Variants in BICRAL observed in about 807,000 individuals in gnomAD.
BICRAL encodes the protein BICRA like chromatin remodeling complex associated protein, also known as BRD4-interacting chromatin-remodeling complex-associated protein-like.
BICRAL carries 8 observed loss-of-function variants against 91.8 expected under a neutral mutation model. The ratio of observed to expected loss-of-function variants is 0.09; its 90% CI spans 0.05 to 0.16. BICRAL has a LOEUF of 0.16. Among genes scored for constraint, BICRAL ranks in the 10% least tolerant of loss-of-function variants. The probability of loss-of-function intolerance (pLI) is 1.00; values close to 1 mark genes in which losing one functional copy is unlikely to be tolerated. For missense variants in BICRAL, 1,038 were observed against 1,310.9 expected (o/e 0.79, Z 3.21); for synonymous variants, 445 against 491.1 (o/e 0.91, Z 1.24).
At chr6:42,855,108 C>T (rs1378439299) in intron 8 of BICRAL, among the ~76,000 whole-genome samples, 1 of 152,104 alleles carries the variant, frequency 6.6e-6, no homozygotes, top group Non-Finnish European at 1.5e-5. Context: ...GTTTCCTTAA[C>T]ATGATGTAAA....
rs779052868 is a variant in BICRAL, at chr6:42,828,623, T to G, written c.290T>G (p.Leu97Arg). The change falls in exon 6 of 13, where the codon CTC (leucine) becomes CGC (arginine). Residue 97 changes from leucine to arginine, a missense_variant. Physicochemically the swap from Leu to Arg is moderately radical, Grantham distance 102 (BLOSUM62 -2). This residue lies in a region of BICRAL where 115 missense variants were observed against 121.5 expected (regional missense o/e 0.95). Transcript: ENST00000314073. ...CTCGAGTCTTCTCCTCTTCCTGATC[T>G]CACTGAGGACCAACCTTTCGACATT... ...DELESSPLPD[L>R]TEDQPFDILQ... 10 of 1,614,098 alleles carry G rather than the reference T, an allele frequency of 6.2e-6. No homozygotes were observed. In the East Asian group the frequency reaches 2.2e-4, roughly 36 times the overall value.
intron 1 of BICRAL, among the ~76,000 whole-genome samples, chr6:42,807,287 C>G (rs1763736318): frequency 6.6e-6 from 1 of 150,986 alleles, no homozygotes; most frequent in African/African-American, 2.4e-5. Context: ...GGGTTCATGC[C>G]ATTCTCCTGC....
chr6:42,847,320 A>G (rs1038997669), intron 6 of BICRAL, among the ~76,000 whole-genome samples: 1 of 152,194 alleles, frequency 6.6e-6, no homozygotes, highest in African/African-American at 2.4e-5. Context: ...TAGATTTTTT[A>G]TAGATGTTTA....
chr6:42,826,302 T>C (rs1003591562), intron 5 of BICRAL, among the ~76,000 whole-genome samples: 1 of 147,846 alleles, frequency 6.8e-6, no homozygotes, highest in Admixed American at 6.9e-5. Context: ...TGGTGCAATC[T>C]CGGCTCACTG....
chr6:42,751,268 C>T (rs927851741), intron 1 of BICRAL, among the ~76,000 whole-genome samples: 1 of 151,940 alleles, frequency 6.6e-6, no homozygotes, highest in African/African-American at 2.4e-5. Flanking sequence ...GGACCCGTGT[C>T]CTGGGTGGAG....
Position 42,829,642 on chromosome 6 carries a change from G to A in BICRAL, c.1309G>A (p.Val437Met), listed in dbSNP as rs1764415539. The A allele has an allele frequency of 6.2e-7, 1 of 1,614,232 alleles. No homozygotes were observed. Among genetic ancestry groups the A allele is most frequent in the Non-Finnish European group, 8.5e-7 (1 of 1,180,040 alleles). The change falls in exon 6 of 13, where the codon GTG becomes ATG. Residue 437 changes from valine (V) to methionine (M), a missense_variant. By Grantham distance (21) the Val-to-Met change is conservative. Transcript: ENST00000314073. ...ACCCTCTCAGCTCATTTCTGGCCAA[G>A]TGGCCTCAGAGCATGTCATGTTGAA... The part of the protein sequence containing the change: ...TQPSQLISGQ[V>M]ASEHVMLNRN...
intron 1 of BICRAL, among the ~76,000 whole-genome samples, chr6:42,767,609 A>G (rs1471960234): frequency 6.6e-6 from 1 of 152,248 alleles, no homozygotes; most frequent in Admixed American, 6.5e-5. Flanking sequence ...TGTTAGCTTA[A>G]CATATTGATG....
In BICRAL at chr6:42,865,486, C is replaced by A; in HGVS notation, c.*40C>A. On this transcript the variant is annotated 3_prime_UTR_variant, in exon 13 of 13. Transcript: ENST00000314073. The stretch of plus-strand genomic sequence containing the variant: ...CCCCTACCCCGCCCCGAGACCCCAC[C>A]CCGAGACCCCACCCCGGACCAGTTA... The A allele has an allele frequency of 8.7e-7, 1 of 1,151,620 alleles. No individual in the cohort carries two copies. The highest frequency in any genetic ancestry group is 1.3e-6 in the Non-Finnish European group (1 of 785,410). 71.3% of individuals were successfully genotyped at this position (1,151,620 alleles called of 1,614,324 possible).
intron 6 of BICRAL, among the ~76,000 whole-genome samples, chr6:42,851,516 T>G (rs1765179454): frequency 6.6e-6 from 1 of 152,242 alleles, no homozygotes; most frequent in South Asian, 2.1e-4. Flanking sequence ...AATTATATTT[T>G]GCTCAGGCTA....
At chr6:42,825,594 A>C (rs1215079563) in intron 5 of BICRAL, among the ~76,000 whole-genome samples, 1 of 151,550 alleles carries the variant, frequency 6.6e-6, no homozygotes, top group African/African-American at 2.4e-5. Flanking sequence ...ATAGATGAGC[A>C]TGGTGGTGCG....
chr6:42,856,058 G>A (rs116811573), intron 9 of BICRAL, 141 bp downstream of exon 9: 197 of 732,514 alleles, frequency 2.7e-4, no homozygotes, highest in African/African-American at 2.3e-3. Context: ...AAGGCATGGT[G>A]ACTCACTCCT....
At position 42,802,620 on chromosome 6, in the gene BICRAL, T is replaced by C. The variant is rs201759303; in HGVS notation, c.-101-7686T>C. ...CACACCAGCATGCCCAGCTAATTTT[T>C]TGTATTTTTAGTAGAGACAGGGTTT... On this transcript the variant is annotated intron_variant, in intron 1 of 12. Transcript: ENST00000314073. Among the ~76,000 whole-genome samples, 24 of 152,254 alleles carry C rather than the reference T, an allele frequency of 1.6e-4. No individual in the cohort carries two copies. The East Asian group carries it at 4.0e-3, about 26-fold the overall frequency.
At chr6:42,862,108 G>A (rs562769341) in intron 11 of BICRAL, among the ~76,000 whole-genome samples, 20 of 152,172 alleles carry the variant, frequency 1.3e-4, no homozygotes, top group East Asian at 1.2e-3. Flanking sequence ...AGGCCAAGGC[G>A]GATGGATCAC....
chr6:42,792,297 G>A (rs549458890), intron 1 of BICRAL, among the ~76,000 whole-genome samples: 4 of 151,948 alleles, frequency 2.6e-5, no homozygotes, highest in Non-Finnish European at 5.9e-5. Context: ...TTCTGAGACA[G>A]TATCTTGGTC....
intron 1 of BICRAL, among the ~76,000 whole-genome samples, chr6:42,749,661 A>G (rs1562445230): frequency 6.6e-6 from 1 of 152,156 alleles, no homozygotes; most frequent in African/African-American, 2.4e-5. Flanking sequence ...AAATATGTAC[A>G]ATTATTATAT....
chr6:42,755,923 C>G (rs1762452018), intron 1 of BICRAL, among the ~76,000 whole-genome samples: 1 of 152,128 alleles, frequency 6.6e-6, no homozygotes, highest in Admixed American at 6.5e-5. Context: ...ATCCACCCAT[C>G]TCGGCCTCCC....
At chr6:42,777,210 G>C (rs1045297111), upstream of BICRAL, among the ~76,000 whole-genome samples, 2 of 152,192 alleles carry the variant, frequency 1.3e-5, no homozygotes, top group African/African-American at 4.8e-5. Context: ...ACAGTTGAAT[G>C]TATTGAACTC....
chr6:42,807,274 T>G (rs1397444401), intron 1 of BICRAL, among the ~76,000 whole-genome samples: 1 of 150,626 alleles, frequency 6.6e-6, no homozygotes, highest in Non-Finnish European at 1.5e-5. Flanking sequence ...AGCTCCGCCT[T>G]CCGGGTTCAT....
chr6:42,780,738 TG>T (rs370688013), upstream of BICRAL, among the ~76,000 whole-genome samples: 1 of 121,666 alleles, frequency 8.2e-6, no homozygotes, highest in African/African-American at 3.4e-5. Flanking sequence ...TTGTTGTTGT[TG>T]TTGTTTTGTT....
Sources: gnomAD v4.1 joint callset for allele counts (sites outside exome capture counted in the v4.1 genomes callset) on GRCh38, gnomAD v4.1.1 for gene constraint, gnomAD v4.1.1 regional missense constraint, MANE v1.5 for transcripts, NCBI Gene and HGNC (gene_info 2026-07-23, HGNC 2026-07-21) for gene names.